HSPA12A: variants seen among roughly 807,000 people sequenced by gnomAD.
HSPA12A encodes heat shock protein family A (Hsp70) member 12A.
In HSPA12A, 28 loss-of-function variants were observed where a neutral mutation model predicts 69.2. The observed-to-expected ratio is 0.40, with a 90% CI of 0.30 to 0.55. The LOEUF (loss-of-function observed/expected upper bound fraction) is 0.55. Among genes scored for constraint, HSPA12A ranks in the 20% least tolerant of loss-of-function variants. The pLI is 0.38. For synonymous variants in HSPA12A, 345 were observed against 370.5 expected (o/e 0.93, Z 0.79); for missense variants, 686 against 900.7 (o/e 0.76, Z 3.05).
intron 2 of HSPA12A, among the ~76,000 whole-genome samples, chr10:116,788,145 T>C (rs1027273321): frequency 6.6e-6 from 1 of 152,144 alleles, no homozygotes; most frequent in Non-Finnish European, 1.5e-5. Context: ...ATCCTGTCTC[T>C]ACTCTGGCCG....
chr10:116,808,725 AAG>A lies in HSPA12A; in HGVS notation c.91+26208_91+26209del, dbSNP rs551624129. 1.8e-3 allele frequency among the ~76,000 whole-genome samples: 272 copies of A among 152,278 alleles called. 1 individual carries two copies. Among genetic ancestry groups the A allele is most frequent in the Middle Eastern group, 0.014 (4 of 294 alleles). On this transcript the variant is annotated intron_variant, in intron 2 of 12. Transcript: ENST00000635765. ...GCCATCTTTATTCAAATCACAGTTG[AAG>A]AGTCCCTCCTTTGAGGGACAGAGAG...
chr10:116,775,346 C>T (rs1398046833), intron 2 of HSPA12A, among the ~76,000 whole-genome samples: 3 of 152,156 alleles, frequency 2.0e-5, no homozygotes, highest in African/African-American at 7.2e-5. Flanking sequence ...CCTGCCTGTC[C>T]GGTTGCAAAG....
At position 116,765,289 on chromosome 10, in the gene HSPA12A, G is replaced by A. The variant is rs553895280; in HGVS notation, c.92-58004C>T. Among the ~76,000 whole-genome samples the A allele has an allele frequency of 2.0e-5, 3 of 151,944 alleles. No individual in the cohort carries two copies. The South Asian group carries it at 6.3e-4, about 32-fold the overall frequency. ...GTGATATAGCTGATTCCAGGACTAG[G>A]GTAGGAAAAGTCCAAATTAAACCTG... On this transcript the variant is annotated intron_variant, in intron 2 of 12. Coordinates refer to the HSPA12A transcript ENST00000635765.
intron 6 of HSPA12A, among the ~76,000 whole-genome samples, chr10:116,685,911 C>T (rs936099869): frequency 6.6e-6 from 1 of 152,202 alleles, no homozygotes; most frequent in Non-Finnish European, 1.5e-5. Flanking sequence ...ACTCTCGTGT[C>T]CTGCACTGTC....
intron 2 of HSPA12A, among the ~76,000 whole-genome samples, chr10:116,790,841 C>T (rs893252421): frequency 5.9e-5 from 9 of 152,126 alleles, no homozygotes; most frequent in Non-Finnish European, 1.3e-4. Context: ...CAGGAGCGCA[C>T]CACCACACAC....
intron 2 of HSPA12A, among the ~76,000 whole-genome samples, chr10:116,796,962 C>A (rs1421069649): frequency 2.6e-5 from 4 of 152,316 alleles, no homozygotes; most frequent in East Asian, 3.9e-4. Context: ...CCCTCCATTG[C>A]AACGTTTTTA....
At chr10:116,765,692 G>A (rs1242845327) in intron 2 of HSPA12A, among the ~76,000 whole-genome samples, 1 of 152,018 alleles carries the variant, frequency 6.6e-6, no homozygotes, top group Non-Finnish European at 1.5e-5. Flanking sequence ...ACACGTGTGG[G>A]GCAGGACACA....
intron 1 of HSPA12A, among the ~76,000 whole-genome samples, chr10:116,731,106 C>T (rs999849557): frequency 2.0e-5 from 3 of 152,240 alleles, no homozygotes; most frequent in Non-Finnish European, 2.9e-5. Context: ...GGCCAGTTGG[C>T]CTCCCCTGGA....
intron 2 of HSPA12A, among the ~76,000 whole-genome samples, chr10:116,789,240 A>G (rs1844648602): frequency 6.6e-6 from 1 of 152,214 alleles, no homozygotes; most frequent in African/African-American, 2.4e-5. Flanking sequence ...ATAAAATTAC[A>G]TTACAAAATA....
chr10:116,730,414 C>G (rs1851113314), intron 1 of HSPA12A, among the ~76,000 whole-genome samples: 1 of 152,170 alleles, frequency 6.6e-6, no homozygotes, highest in South Asian at 2.1e-4. Flanking sequence ...TGAGCTAAGC[C>G]CGTTTCACTC....
At chr10:116,704,531 A>G (rs1165780432) in intron 3 of HSPA12A, among the ~76,000 whole-genome samples, 19 of 152,198 alleles carry the variant, frequency 1.2e-4, no homozygotes, top group African/African-American at 3.9e-4. Flanking sequence ...TAATGGGTGC[A>G]GCACACCAAC....
Position 116,727,336 on chromosome 10 carries a change from C to T in HSPA12A, c.40+15094G>A, listed in dbSNP as rs1300746282. 5.3e-5 allele frequency among the ~76,000 whole-genome samples: 8 copies of T among 152,264 alleles called. No homozygotes were observed. The East Asian group carries it at 1.4e-3, about 26-fold the overall frequency. On this transcript the variant is annotated intron_variant, in intron 1 of 11. Coordinates refer to ENST00000369209, the MANE Select transcript of HSPA12A (RefSeq NM_025015.3). ...CACCTAGGCTGTCGGTCGGGGGCCTCAGTTCCCCTCTAGGTGGCCTCTCCA... is the reference window on the plus strand; with the variant it reads ...CACCTAGGCTGTCGGTCGGGGGCCTTAGTTCCCCTCTAGGTGGCCTCTCCA...
intron 1 of HSPA12A, among the ~76,000 whole-genome samples, chr10:116,727,457 C>T (rs913622309): frequency 1.1e-4 from 16 of 152,314 alleles, no homozygotes; most frequent in African/African-American, 3.8e-4. Context: ...TTCCTGTTTG[C>T]CAAGGTCCTA....
At chr10:116,813,315 G>C (rs1003305689) in intron 2 of HSPA12A, among the ~76,000 whole-genome samples, 3 of 143,442 alleles carry the variant, frequency 2.1e-5, no homozygotes, top group African/African-American at 7.8e-5. Flanking sequence ...GCGCGATCTC[G>C]GCTCACTGCA....
At chr10:116,849,690 T>G (rs1845999070) in exon 1 of HSPA12A, 1 of 1,547,284 alleles carries the variant, frequency 6.5e-7, no homozygotes, top group Non-Finnish European at 8.7e-7. Context: ...GCTGCTCAAC[T>G]CCACCTTCTA....
chr10:116,742,350 G>T, intron 1 of HSPA12A, 80 bp downstream of exon 1: 2 of 1,339,636 alleles, frequency 1.5e-6, no homozygotes, highest in Non-Finnish European at 1.9e-6. Context: ...GCGCGAGGGG[G>T]TGCGGAGCGT....
At chr10:116,705,306 G>C in intron 2 of HSPA12A, 28 bp from the exon 3 acceptor site, 5 of 1,613,380 alleles carry the variant, frequency 3.1e-6, no homozygotes, top group Non-Finnish European at 4.2e-6. Flanking sequence ...GGCATGGGGG[G>C]TGTGGAGGGG....
At chr10:116,769,989 G>A (rs1429104670) in intron 2 of HSPA12A, among the ~76,000 whole-genome samples, 2 of 152,200 alleles carry the variant, frequency 1.3e-5, no homozygotes, top group African/African-American at 2.4e-5. Flanking sequence ...AAGCGATGAC[G>A]CCACAGAGCT....
Position 116,697,496 on chromosome 10 carries a change from C to T in HSPA12A, c.546+1139G>A, listed in dbSNP as rs565833400. Among the ~76,000 whole-genome samples the T allele has an allele frequency of 4.6e-5, 7 of 152,234 alleles. No individual in the cohort carries two copies. The South Asian group carries it at 1.2e-3, about 27-fold the overall frequency. ...GGAGAAATAGCAGCCACCATTTACC[C>T]AGTGCTTACTATAGACCAAGCTCCA... On this transcript the variant is annotated intron_variant, in intron 5 of 11. Transcript: ENST00000369209.
Sources: allele counts gnomAD v4.1 joint callset (sites outside exome capture counted in the v4.1 genomes callset), GRCh38; gene constraint gnomAD v4.1.1; transcripts MANE v1.5; gene names NCBI Gene and HGNC (gene_info 2026-07-23, HGNC 2026-07-21).